The following UBE2Q2 variants were observed in gnomAD, a reference collection of about 807,000 sequenced individuals.
UBE2Q2 encodes the protein ubiquitin conjugating enzyme E2 Q2.
In UBE2Q2, 54 loss-of-function variants were observed where a neutral mutation model predicts 59.9. That is an observed-to-expected ratio of 0.90 (90% CI 0.72 to 1.13). The LOEUF is 1.13. UBE2Q2 is among the 50% of genes most tolerant of loss of function. UBE2Q2 has a pLI of 0.00. For synonymous variants in UBE2Q2, 165 were observed against 155.2 expected (o/e 1.06, Z -0.47); for missense variants, 433 against 441.9 (o/e 0.98, Z 0.18).
intron 4 of UBE2Q2, among the ~76,000 whole-genome samples, chr15:75,871,481 C>G (rs1595878232): frequency 6.6e-6 from 1 of 152,244 alleles, no homozygotes; most frequent in Non-Finnish European, 1.5e-5. Context: ...GGGGAGATAC[C>G]TTAGACAATA....
chr15:75,873,747 C>T (rs1897923678), intron 5 of UBE2Q2, among the ~76,000 whole-genome samples, 179 bp downstream of exon 5: 1 of 152,322 alleles, frequency 6.6e-6, no homozygotes, highest in Non-Finnish European at 1.5e-5. Flanking sequence ...GGCTAGAGTG[C>T]AGTGGCACAA....
At chr15:75,866,642 G>T (rs1394125) in intron 3 of UBE2Q2, among the ~76,000 whole-genome samples, 4 of 151,894 alleles carry the variant, frequency 2.6e-5, no homozygotes, top group African/African-American at 9.7e-5. Context: ...CATCTCTTCT[G>T]TTTTCTCCCC....
At chr15:75,854,630 T>TC in intron 2 of UBE2Q2, 143 bp downstream of exon 2, 1 of 529,588 alleles carries the variant, frequency 1.9e-6, no homozygotes, top group Non-Finnish European at 3.2e-6. Context: ...TTGTTTTTTT[T>TC]CCTTCAAATT....
At chr15:75,852,790 G>C (rs1896698317) in intron 1 of UBE2Q2, among the ~76,000 whole-genome samples, 1 of 152,218 alleles carries the variant, frequency 6.6e-6, no homozygotes, top group Non-Finnish European at 1.5e-5. Context: ...AGCCTGTAAA[G>C]AGATTTGGGG....
intron 3 of UBE2Q2, among the ~76,000 whole-genome samples, chr15:75,864,159 A>G (rs917018264): frequency 2.0e-5 from 3 of 152,144 alleles, no homozygotes; most frequent in African/African-American, 7.2e-5. Flanking sequence ...TTTTACTTCT[A>G]TATTAAGTAA....
chr15:75,862,806 C>A (rs1452321626), intron 3 of UBE2Q2, among the ~76,000 whole-genome samples: 4 of 108,860 alleles, frequency 3.7e-5, no homozygotes, highest in Admixed American at 1.1e-4. Flanking sequence ...CAGAATGGAA[C>A]CCTATCTCAA....
At chr15:75,888,177 C>A (rs1033431792) in intron 9 of UBE2Q2, among the ~76,000 whole-genome samples, 7 of 152,170 alleles carry the variant, frequency 4.6e-5, no homozygotes, top group Non-Finnish European at 1.0e-4. Context: ...GCAGTCATTA[C>A]TACTACCTAA....
In UBE2Q2 at chr15:75,900,568, T is replaced by C. The variant is rs1263367843; in HGVS notation, c.*1110T>C. 2.0e-4 allele frequency: 1 copy of C among 5,034 alleles called. No homozygotes were observed. The highest frequency in any genetic ancestry group is 2.4e-4 in the African/African-American group (1 of 4,216). The allele number at this position is 5,034 out of a possible 1,614,324, so 0.3% of individuals were successfully genotyped here. A position where few individuals can be genotyped will look rare whatever the true frequency, so the allele number is the denominator to read the frequency against. On this transcript the variant is annotated 3_prime_UTR_variant, in exon 13 of 13. Transcript: ENST00000267938. Reference sequence around the variant, plus strand: ...AGTAAATTCTAGTTCTTAAGCACTTTTAACAAATCCAGAAGCACATTTTTC... The same window carrying C: ...AGTAAATTCTAGTTCTTAAGCACTTCTAACAAATCCAGAAGCACATTTTTC...
intron 1 of UBE2Q2, chr15:75,844,656 C>T (rs1450650042): frequency 3.0e-6 from 2 of 660,592 alleles, no homozygotes; most frequent in Non-Finnish European, 4.9e-6. Flanking sequence ...CATTAGAAAC[C>T]CAAGGCTTGG....
intron 2 of UBE2Q2, among the ~76,000 whole-genome samples, chr15:75,854,939 T>C (rs927941629): frequency 2.0e-5 from 3 of 152,182 alleles, no homozygotes; most frequent in Non-Finnish European, 4.4e-5. Context: ...AATATAACTT[T>C]CCATGTTGAA....
intron 12 of UBE2Q2, among the ~76,000 whole-genome samples, chr15:75,899,087 CCT>C (rs1387197272): frequency 7.1e-6 from 1 of 141,150 alleles, no homozygotes. Flanking sequence ...ATGGTGAAAC[CCT>C]GTCTCTACTA....
chr15:75,844,090 C>A, intron 1 of UBE2Q2: 1 of 1,415,946 alleles, frequency 7.1e-7, no homozygotes, highest in Admixed American at 3.0e-5. Flanking sequence ...GGCTTCTGGC[C>A]CATCTCGGTC....
intron 2 of UBE2Q2, among the ~76,000 whole-genome samples, chr15:75,856,283 A>G (rs923170031): frequency 0.058 from 8,543 of 146,956 alleles, 624 homozygotes; most frequent in African/African-American, 0.17. Flanking sequence ...ATATATATAT[A>G]TATATATATA....
chr15:75,883,245 C>A, intron 8 of UBE2Q2, 121 bp from the exon 9 acceptor site: 3 of 930,362 alleles, frequency 3.2e-6, no homozygotes, highest in Non-Finnish European at 4.7e-6. Flanking sequence ...AATTTTATGA[C>A]TCTTACCCAT....
intron 4 of UBE2Q2, among the ~76,000 whole-genome samples, chr15:75,872,440 T>C (rs1363955255): frequency 6.6e-6 from 1 of 151,940 alleles, no homozygotes; most frequent in African/African-American, 2.4e-5. Context: ...GATTTATATA[T>C]GTGTAAGAAC....
At chr15:75,865,396 A>G (rs1017745695) in intron 3 of UBE2Q2, among the ~76,000 whole-genome samples, 3 of 152,138 alleles carry the variant, frequency 2.0e-5, no homozygotes, top group African/African-American at 7.2e-5. Context: ...CATTGTTTGA[A>G]TACACCCTAC....
chr15:75,861,392 G>A (rs1897201524), intron 3 of UBE2Q2, among the ~76,000 whole-genome samples: 1 of 152,172 alleles, frequency 6.6e-6, no homozygotes, highest in African/African-American at 2.4e-5. Flanking sequence ...GAAGCTTTTA[G>A]GAGTTTGTCT....
At chr15:75,855,210 G>A (rs1896839188) in intron 2 of UBE2Q2, among the ~76,000 whole-genome samples, 1 of 152,078 alleles carries the variant, frequency 6.6e-6, no homozygotes, top group African/African-American at 2.4e-5. Context: ...ACATTTACTG[G>A]CCAGGTGTGG....
chr15:75,877,100 G>C (rs1228258562), intron 6 of UBE2Q2, among the ~76,000 whole-genome samples: 1 of 135,276 alleles, frequency 7.4e-6, no homozygotes, highest in African/African-American at 2.7e-5. Flanking sequence ...GGCAGAGGCT[G>C]TAGTGAGCCA....
Sources: gnomAD v4.1 joint callset for allele counts (sites outside exome capture counted in the v4.1 genomes callset) on GRCh38, gnomAD v4.1.1 for gene constraint, MANE v1.5 for transcripts, NCBI Gene and HGNC (gene_info 2026-07-23, HGNC 2026-07-21) for gene names.